Variants in SDHB observed in about 807,000 individuals in gnomAD.
SDHB encodes succinate dehydrogenase complex iron sulfur subunit B, also known as succinate dehydrogenase [ubiquinone] iron-sulfur subunit, mitochondrial.
Under a neutral mutation model 39.7 loss-of-function variants are expected in SDHB, and 21 were observed. The observed-to-expected ratio is 0.53, with a 90% CI of 0.37 to 0.76. SDHB has a LOEUF of 0.76. SDHB is among the 30% of genes least tolerant of loss of function. The pLI is 0.00. For synonymous variants in SDHB, 118 were observed against 117.0 expected, an observed-to-expected ratio of 1.01 and a Z score of -0.06; for missense variants, 343 against 350.9, an observed-to-expected ratio of 0.98 and a Z score of 0.18.
At chr1:17,044,694 G>C in intron 2 of SDHB, 67 bp downstream of exon 2, 1 of 1,562,964 alleles carries the variant, frequency 6.4e-7, no homozygotes, top group Non-Finnish European at 8.8e-7. Flanking sequence ...CCAAGGATGT[G>C]AAAAGCATGT....
chr1:17,026,512 G>T (rs1004179254), intron 5 of SDHB, among the ~76,000 whole-genome samples: 2 of 152,012 alleles, frequency 1.3e-5, no homozygotes, highest in Non-Finnish European at 2.9e-5. Context: ...TTATAGGTGT[G>T]AGCCACCACA....
At chr1:17,053,667 G>A (rs2078160799) in intron 1 of SDHB, among the ~76,000 whole-genome samples, 1 of 151,648 alleles carries the variant, frequency 6.6e-6, no homozygotes, top group Non-Finnish European at 1.5e-5. Context: ...CTTGCCATGT[G>A]ACCTTGAGCA....
At chr1:17,038,123 G>C (rs767641373) in intron 2 of SDHB, among the ~76,000 whole-genome samples, 3 of 151,906 alleles carry the variant, frequency 2.0e-5, no homozygotes, top group Non-Finnish European at 2.9e-5. Context: ...TGGGCAACAA[G>C]AGCGAAAACT....
intron 1 of SDHB, chr1:17,045,232 C>T: frequency 3.2e-6 from 1 of 315,930 alleles, no homozygotes; most frequent in Non-Finnish European, 6.1e-6. Context: ...ATGAATACAG[C>T]AGAGACTTCA....
chr1:17,024,063 G>A lies in SDHB; in HGVS notation c.552C>T (p.Tyr184=), dbSNP rs202098600. The A allele has an allele frequency of 4.7e-5, 75 of 1,612,870 alleles. 1 individual carries two copies. Among genetic ancestry groups the A allele is most frequent in the South Asian group, 2.9e-4 (26 of 91,062 alleles). Residue 184 remains tyrosine (Y), a synonymous_variant, in exon 6 of 8, where the codon TAC becomes TAT. Transcript: ENST00000375499. ...IEEREKLDGL[Y]ECILCACCST... is the part of the protein sequence containing the mutation. ...TACAGCAGGCACAGAGAATGCACTCGTAGAGCCCGTCCTGTATGGGGAGAA... is the reference window on the plus strand; with the variant it reads ...TACAGCAGGCACAGAGAATGCACTCATAGAGCCCGTCCTGTATGGGGAGAA...
rs559488511 is a variant in SDHB at position 17,027,685 on chromosome 1, C to T, written c.540+64G>A. ...TCAGCTTATGTTCCCTGCCAAGCCA[C>T]ACTCCTGGCAATCATCTTTGCAATA... On this transcript the variant is annotated intron_variant, in intron 5 of 7. Transcript: ENST00000375499. The T allele has an allele frequency of 2.1e-5, 21 of 1,015,864 alleles. 1 individual carries two copies. Among genetic ancestry groups the T allele is most frequent in the South Asian group, 1.3e-4 (10 of 78,942 alleles). The allele number at this position is 1,015,864 out of a possible 1,614,324, so 62.9% of individuals were successfully genotyped here.
At chr1:17,053,879 A>G in intron 1 of SDHB, 69 bp downstream of exon 1, 1 of 1,152,462 alleles carries the variant, frequency 8.7e-7, no homozygotes, top group Non-Finnish European at 1.3e-6. Context: ...GTCTCTCCGC[A>G]GCCCCATCAG....
intron 1 of SDHB, among the ~76,000 whole-genome samples, chr1:17,047,059 T>C (rs188481749): frequency 9.2e-5 from 14 of 152,246 alleles, no homozygotes; most frequent in Non-Finnish European, 1.8e-4. Flanking sequence ...TATGCATTTA[T>C]AGAAAATAAT....
chr1:17,028,847 G>C (rs2078006201), intron 3 of SDHB, 111 bp from the exon 4 acceptor site: 1 of 1,263,668 alleles, frequency 7.9e-7, no homozygotes, highest in Admixed American at 1.7e-5. Flanking sequence ...GCACTGACAT[G>C]CAACATTCCT....
rs374325203 is a variant in SDHB at position 17,044,937 on chromosome 1, A to G, written c.73-49T>C. 20 of 1,551,700 alleles carry G rather than the reference A, an allele frequency of 1.3e-5. No homozygotes were observed. In the African/African-American group the frequency reaches 1.6e-4, roughly 13 times the overall value. On this transcript the variant is annotated intron_variant, in intron 1 of 7. Transcript: ENST00000375499. ...AAAGGAAAAAAAAATTAGAAATACA[A>G]GATAATTCCATTTTGCTGGCACAAC...
intron 5 of SDHB, among the ~76,000 whole-genome samples, 161 bp from the exon 6 acceptor site, chr1:17,024,235 C>T (rs547392577): frequency 6.6e-6 from 1 of 152,326 alleles, no homozygotes; most frequent in Admixed American, 6.5e-5. Context: ...AGATATTTAG[C>T]AGATTAATAA....
intron 1 of SDHB, among the ~76,000 whole-genome samples, chr1:17,052,048 T>C (rs1202846179): frequency 1.3e-5 from 2 of 152,004 alleles, no homozygotes; most frequent in Admixed American, 1.3e-4. Flanking sequence ...GGTTTCACCA[T>C]GTTGGCCGGG....
intron 2 of SDHB, among the ~76,000 whole-genome samples, chr1:17,039,866 A>C (rs1021293522): frequency 6.6e-6 from 1 of 152,172 alleles, no homozygotes; most frequent in Non-Finnish European, 1.5e-5. Flanking sequence ...ATTAATTTTA[A>C]CAAAATTAAG....
intron 7 of SDHB, among the ~76,000 whole-genome samples, 171 bp from the exon 8 acceptor site, chr1:17,019,129 C>CTT (rs35456786): frequency 6.6e-6 from 1 of 152,068 alleles, no homozygotes; most frequent in African/African-American, 2.4e-5. Context: ...TTCTGTCTAC[C>CTT]TTTTTTAACA....
At chr1:17,031,535 G>A (rs936610592) in intron 3 of SDHB, among the ~76,000 whole-genome samples, 1 of 152,180 alleles carries the variant, frequency 6.6e-6, no homozygotes, top group African/African-American at 2.4e-5. Context: ...ACTTAATGGG[G>A]AAGGCTGCTG....
intron 7 of SDHB, among the ~76,000 whole-genome samples, chr1:17,020,270 AT>A (rs2077954413): frequency 6.6e-6 from 1 of 152,198 alleles, no homozygotes; most frequent in African/African-American, 2.4e-5. Flanking sequence ...AGAGCACTGG[AT>A]GGGGAGGCAG....
At chr1:17,049,647 C>CTGTTTTTTTTT (rs2078133829) in intron 1 of SDHB, among the ~76,000 whole-genome samples, 1 of 52,064 alleles carries the variant, frequency 1.9e-5, no homozygotes, top group Non-Finnish European at 3.0e-5. Flanking sequence ...TCCCCTAGTT[C>CTGTTTTTTTTT]TTTTTTTTTT....
rs141020779 is a variant in SDHB at position 17,029,038 on chromosome 1, GT to G, written c.287-303del. On this transcript the variant is annotated intron_variant, in intron 3 of 7. Transcript: ENST00000375499. ...GCCTGGGCGCTGCTGGCACCATGGA[GT>G]TTCCACAGCAGTTCTAGCTCCATGT... 2.1e-5 allele frequency among the ~76,000 whole-genome samples: 3 copies of G among 145,958 alleles called. No homozygotes were observed. In the East Asian group the frequency reaches 6.6e-4, roughly 32 times the overall value.
intron 3 of SDHB, among the ~76,000 whole-genome samples, chr1:17,032,292 G>A (rs1459928410): frequency 1.3e-5 from 2 of 150,558 alleles, no homozygotes; most frequent in Non-Finnish European, 3.0e-5. Context: ...TCCACCTCCC[G>A]GGTTCCTGCC....
Sources: allele counts gnomAD v4.1 joint callset (sites outside exome capture counted in the v4.1 genomes callset), GRCh38; gene constraint gnomAD v4.1.1; transcripts MANE v1.5; gene names NCBI Gene and HGNC (gene_info 2026-07-23, HGNC 2026-07-21).